The following TNC variants were observed in gnomAD, a reference collection of about 807,000 sequenced individuals.
TNC encodes tenascin C, also known as tenascin.
Under a neutral mutation model 202.4 loss-of-function variants are expected in TNC, and 109 were observed. The ratio of observed to expected loss-of-function variants is 0.54; its 90% CI spans 0.46 to 0.63. The LOEUF is 0.63. Among genes scored for constraint, TNC ranks in the 30% least tolerant of loss-of-function variants. The pLI, the probability that TNC is intolerant of heterozygous loss-of-function variation, is 0.00. For synonymous variants in TNC, 1,007 were observed against 1,089.7 expected, an observed-to-expected ratio of 0.92 and a Z score of 1.50; for missense variants, 2,756 against 2,833.3, an observed-to-expected ratio of 0.97 and a Z score of 0.62.
rs1380544677 is a variant in TNC at position 115,076,060 on chromosome 9, G to T, written c.2922C>A (p.Ser974Arg). Residue 974 changes from serine (S) to arginine (R), a missense_variant, in exon 9 of 28, where the codon AGC becomes AGA. Physicochemically the swap from Ser to Arg is moderately radical, Grantham distance 110 (BLOSUM62 -1). This residue lies in a region of TNC where 2,559 missense variants were observed against 2,546.0 expected (regional missense o/e 1.01). Coordinates refer to ENST00000350763, the MANE Select transcript of TNC (RefSeq NM_002160.4). ...GVSAVKEDKE[S>R]NPATINAATE... ...TGGCTGCGTTGATGGTCGCTGGATT[G>T]CTCTCCTTGTCTTCCTTCACAGCAG... The T allele has an allele frequency of 6.2e-7, 1 of 1,614,080 alleles. No individual in the cohort carries two copies. The highest frequency in any genetic ancestry group is 8.5e-7 in the Non-Finnish European group (1 of 1,180,002).
At position 115,046,593 on chromosome 9, in the gene TNC, C is replaced by T. The variant is rs1366726791; in HGVS notation, c.4942G>A (p.Asp1648Asn). The T allele has an allele frequency of 1.9e-6, 3 of 1,613,840 alleles. No individual in the cohort carries two copies. The highest frequency in any genetic ancestry group is 1.7e-5 in the Admixed American group (1 of 59,974). ...TCTCTGATTTTGAGAACAAAATTGT[C>T]GAAGACCCCTTCATCAGCTGTCCAG... ...LSWTADEGVF[D>N]NFVLKIRDTK... Residue 1648 changes from aspartate to asparagine, a missense_variant, in exon 17 of 28, where the codon GAC (aspartate) becomes AAC (asparagine). Transcript: ENST00000350763.
At position 115,076,066 on chromosome 9, in the gene TNC, C is replaced by T. The variant is rs1588135527; in HGVS notation, c.2916G>A (p.Lys972=). Reference sequence around the variant, plus strand: ...CGTTGATGGTCGCTGGATTGCTCTCCTTGTCTTCCTTCACAGCAGAAACTC... The same window carrying T: ...CGTTGATGGTCGCTGGATTGCTCTCTTTGTCTTCCTTCACAGCAGAAACTC... ...GIGVSAVKED[K]ESNPATINAA... Residue 972 remains lysine, a synonymous_variant, in exon 9 of 28, where the codon AAG becomes AAA. Coordinates refer to ENST00000350763, the MANE Select transcript of TNC (RefSeq NM_002160.4). 1 of 1,614,154 alleles carries T rather than the reference C, an allele frequency of 6.2e-7. No individual in the cohort carries two copies. Among genetic ancestry groups the T allele is most frequent in the Non-Finnish European group, 8.5e-7 (1 of 1,180,026 alleles).
chr9:115,035,642 C>G (rs1046158534), intron 21 of TNC: 2 of 294,996 alleles, frequency 6.8e-6, no homozygotes, highest in African/African-American at 2.2e-5. Flanking sequence ...TGGATGAATG[C>G]TAATATCAAT....
Position 115,076,465 on chromosome 9 carries a change from G to C in TNC, c.2785C>G (p.Pro929Ala). The C allele has an allele frequency of 6.2e-7, 1 of 1,614,182 alleles. No individual in the cohort carries two copies. Among genetic ancestry groups the C allele is most frequent in the Non-Finnish European group, 8.5e-7 (1 of 1,180,048 alleles). Reference sequence around the variant, plus strand: ...TCAGCGTGGTCCCCTCCAGAGATGGGGGCATACTTAATTCTGTAACTGTCA... The same window carrying C: ...TCAGCGTGGTCCCCTCCAGAGATGGCGGCATACTTAATTCTGTAACTGTCA... ...AIDSYRIKYA[P>A]ISGGDHAEVD... The change falls in exon 8 of 28, where the codon CCC becomes GCC. Residue 929 changes from proline to alanine, a missense_variant. This residue lies in a region of TNC where 2,559 missense variants were observed against 2,546.0 expected (regional missense o/e 1.01). Transcript: ENST00000350763.
Position 115,084,490 on chromosome 9 carries a change from G to A in TNC, c.1868-18C>T, listed in dbSNP as rs754820677. The stretch of plus-strand genomic sequence containing the variant: ...AGGAGACACTGGCAGGAATAAGAAA[G>A]GACATCTGGTGTCAACAGTGTGTCC... On this transcript the variant is annotated intron_variant, in intron 3 of 27. Transcript: ENST00000350763. 3 of 1,612,092 alleles carry A rather than the reference G, an allele frequency of 1.9e-6. No individual in the cohort carries two copies. The highest frequency in any genetic ancestry group is 1.1e-5 in the South Asian group (1 of 90,672).
rs750562764 is a variant in TNC at position 115,036,192 on chromosome 9, C to T, written c.5562G>A (p.Leu1854=). The part of the protein sequence containing the change: ...TVSGNTVEYA[L]TDLEPATEYT... ...ATTCCGTGGCAGGCTCGAGGTCGGT[C>T]AGAGCATACTCCACTGTGTTCCCGG... is the stretch of plus-strand genomic sequence containing the variant. Residue 1854 remains leucine (L), a synonymous_variant, in exon 21 of 28, where the codon CTG becomes CTA. Transcript: ENST00000350763. 2 of 1,614,138 alleles carry T rather than the reference C, an allele frequency of 1.2e-6. No individual in the cohort carries two copies. Among genetic ancestry groups the T allele is most frequent in the Admixed American group, 1.7e-5 (1 of 60,024 alleles).
chr9:115,046,809 G>A, intron 16 of TNC, 127 bp from the exon 17 acceptor site: 1 of 1,074,088 alleles, frequency 9.3e-7, no homozygotes, highest in Non-Finnish European at 1.3e-6. Context: ...GAAGTGTCCT[G>A]AGATACCAAA....
intron 1 of TNC, among the ~76,000 whole-genome samples, chr9:115,093,099 C>T (rs1835357516): frequency 6.6e-6 from 1 of 152,134 alleles, no homozygotes; most frequent in Non-Finnish European, 1.5e-5. Flanking sequence ...TCTCCTTCCT[C>T]ATGACAGAAA....
Position 115,087,241 on chromosome 9 carries a change from G to T in TNC, c.490C>A (p.Arg164=), listed in dbSNP as rs778273542. ...CATCCTTCAGTGCTGAAGTTGCCCC[G>T]ACCGCTACAGAAGGGCCTGGTGTCC... ...RLDTRPFCSG[R]GNFSTEGCGC... is the part of the protein sequence containing the mutation. Residue 164 remains arginine, a synonymous_variant, in exon 3 of 28, where the codon CGG becomes AGG. Coordinates refer to ENST00000350763, the MANE Select transcript of TNC (RefSeq NM_002160.4). 22 of 1,613,986 alleles carry T rather than the reference G, an allele frequency of 1.4e-5. No individual in the cohort carries two copies. Among genetic ancestry groups the T allele is most frequent in the Non-Finnish European group, 1.9e-5 (22 of 1,180,002 alleles).
chr9:115,026,166 A>G (rs1418888297), intron 26 of TNC, among the ~76,000 whole-genome samples: 1 of 152,290 alleles, frequency 6.6e-6, no homozygotes, highest in East Asian at 1.9e-4. Flanking sequence ...GGGTCCATAC[A>G]CCCAGAGTAA....
At chr9:115,094,693 C>T (rs1013040763) in intron 1 of TNC, among the ~76,000 whole-genome samples, 13 of 152,020 alleles carry the variant, frequency 8.6e-5, no homozygotes, top group Admixed American at 7.9e-4. Flanking sequence ...GACTACAGAC[C>T]TGGGCAGGTT....
intron 2 of TNC, among the ~76,000 whole-genome samples, chr9:115,089,714 G>A (rs372300428): frequency 6.6e-5 from 10 of 152,178 alleles, no homozygotes; most frequent in Admixed American, 5.9e-4. Flanking sequence ...TGGCCAGGCT[G>A]GTCTTGAACT....
chr9:115,074,949 G>A (rs1210333100), intron 9 of TNC, among the ~76,000 whole-genome samples: 1 of 152,102 alleles, frequency 6.6e-6, no homozygotes, highest in African/African-American at 2.4e-5. Context: ...GGGCACAGGG[G>A]ATCTGTCTGT....
At chr9:115,109,109 A>G (rs1181759079) in intron 1 of TNC, among the ~76,000 whole-genome samples, 3 of 152,212 alleles carry the variant, frequency 2.0e-5, no homozygotes, top group Non-Finnish European at 4.4e-5. Context: ...TCCCAAACTC[A>G]TTTGGCCACA....
At chr9:115,040,711 A>G (rs1371888239) in intron 19 of TNC, among the ~76,000 whole-genome samples, 1 of 152,176 alleles carries the variant, frequency 6.6e-6, no homozygotes, top group Non-Finnish European at 1.5e-5. Context: ...TGGAGGCCCA[A>G]CAAGGTTAAG....
chr9:115,108,687 C>T (rs777125934), intron 1 of TNC, among the ~76,000 whole-genome samples: 2 of 152,208 alleles, frequency 1.3e-5, no homozygotes, highest in Non-Finnish European at 2.9e-5. Flanking sequence ...TCAAAATCCA[C>T]ACATTGGAAC....
Position 115,073,197 on chromosome 9 carries a change from A to C in TNC, c.3214+406T>G, listed in dbSNP as rs565663833. On this transcript the variant is annotated intron_variant, in intron 10 of 27. Coordinates refer to ENST00000350763, the MANE Select transcript of TNC (RefSeq NM_002160.4). Reference sequence around the variant, plus strand: ...CAACAACAAAAAAAATATTATTACCAACATCTTGGTCATCTTTAAATGAAG... The same window carrying C: ...CAACAACAAAAAAAATATTATTACCCACATCTTGGTCATCTTTAAATGAAG... Among the ~76,000 whole-genome samples, 122 of 152,354 alleles carry C rather than the reference A, an allele frequency of 8.0e-4. 1 individual carries two copies. The highest frequency in any genetic ancestry group is 2.8e-3 in the African/African-American group (118 of 41,582).
intron 9 of TNC, among the ~76,000 whole-genome samples, chr9:115,074,278 T>C (rs1332027384): frequency 6.6e-6 from 1 of 152,244 alleles, no homozygotes; most frequent in Non-Finnish European, 1.5e-5. Flanking sequence ...AAAGTTCTTA[T>C]GTTGAAACCT....
At chr9:115,029,515 T>C in intron 24 of TNC, 59 bp from the exon 25 acceptor site, 1 of 1,513,598 alleles carries the variant, frequency 6.6e-7, no homozygotes, top group African/African-American at 1.4e-5. Context: ...GAGGGCATCG[T>C]TGTGAGAGGA....
Sources: gnomAD v4.1 joint callset for allele counts (sites outside exome capture counted in the v4.1 genomes callset) on GRCh38, gnomAD v4.1.1 for gene constraint, gnomAD v4.1.1 regional missense constraint, MANE v1.5 for transcripts, NCBI Gene and HGNC (gene_info 2026-07-23, HGNC 2026-07-21) for gene names.